Variants in SRD5A2 observed in about 807,000 individuals in gnomAD.
SRD5A2 encodes 3-oxo-5-alpha-steroid 4-dehydrogenase 2.
SRD5A2 carries 30 observed loss-of-function variants against 27.4 expected under a neutral mutation model. That is an observed-to-expected ratio of 1.10 (90% CI 0.82 to 1.49). The LOEUF (loss-of-function observed/expected upper bound fraction) is 1.49. Among genes scored for constraint, SRD5A2 ranks in the 40% most tolerant of loss-of-function variants. The pLI is 0.00. For missense variants in SRD5A2, 348 were observed against 323.4 expected, an observed-to-expected ratio of 1.08 and a Z score of -0.58; for synonymous variants, 141 against 133.6, an observed-to-expected ratio of 1.06 and a Z score of -0.38.
the SRD5A2 span, among the ~76,000 whole-genome samples, chr2:31,607,399 T>C: frequency 2.0e-5 from 3 of 151,786 alleles, no homozygotes; most frequent in Non-Finnish European, 4.4e-5. Flanking sequence ...AAGTCAGTAA[T>C]AGAAAAACAG....
intron 2 of SRD5A2, 75 bp from the exon 3 acceptor site, chr2:31,531,547 C>G: frequency 2.5e-6 from 2 of 814,392 alleles, no homozygotes; most frequent in Non-Finnish European, 3.7e-6. Flanking sequence ...ACAAACTAAG[C>G]TAAAATGAAA....
upstream of SRD5A2, among the ~76,000 whole-genome samples, chr2:31,584,350 A>T (rs2148109887): frequency 6.6e-6 from 1 of 152,340 alleles, no homozygotes; most frequent in African/African-American, 2.4e-5. Context: ...ACAGTCCAAC[A>T]CTGTTTAAAG....
upstream of SRD5A2, chr2:31,581,054 T>A: frequency 2.8e-6 from 2 of 711,562 alleles, no homozygotes; most frequent in Non-Finnish European, 3.9e-6. Flanking sequence ...CGTCCAGCCC[T>A]GGCGCGGTTC....
chr2:31,525,375 T>C lies in SRD5A2; in HGVS notation c.*821A>G, dbSNP rs61750401. ...TTTCCAAAAACATGAGAGTTTGCAA[T>C]GTCTATTGTAAAACTGTTCTCTATC... On this transcript the variant is annotated 3_prime_UTR_variant, in exon 5 of 5. Transcript: ENST00000622030. 1 of 227,104 alleles carries C rather than the reference T, an allele frequency of 4.4e-6. No homozygotes were observed. The highest frequency in any genetic ancestry group is 2.2e-5 in the African/African-American group (1 of 45,016). The allele number at this position is 227,104 out of a possible 1,614,324, so 14.1% of individuals were successfully genotyped here. A position where few individuals can be genotyped will look rare whatever the true frequency, so the allele number is the denominator to read the frequency against.
At chr2:31,526,864 C>G (rs1665794516) in intron 4 of SRD5A2, 1 of 152,810 alleles carries the variant, frequency 6.5e-6, no homozygotes, top group Non-Finnish European at 1.5e-5. Flanking sequence ...CATAATGGAG[C>G]AGGGTGTGCC....
the SRD5A2 span, among the ~76,000 whole-genome samples, chr2:31,638,923 T>C: frequency 6.6e-6 from 1 of 152,110 alleles, no homozygotes; most frequent in Non-Finnish European, 1.5e-5. Flanking sequence ...AGTGTTACTA[T>C]TGATAAGTAA....
chr2:31,662,409 C>G, the SRD5A2 span, among the ~76,000 whole-genome samples: 7 of 152,116 alleles, frequency 4.6e-5, no homozygotes, highest in Admixed American at 3.3e-4. Context: ...GATTTGACCT[C>G]CCAGGCTCAA....
chr2:31,656,004 A>G, the SRD5A2 span, among the ~76,000 whole-genome samples: 1 of 152,216 alleles, frequency 6.6e-6, no homozygotes, highest in Non-Finnish European at 1.5e-5. Context: ...GTAGATGCAC[A>G]TATAGACAGA....
At chr2:31,606,630 T>C in the SRD5A2 span, among the ~76,000 whole-genome samples, 5 of 151,908 alleles carry the variant, frequency 3.3e-5, no homozygotes, top group South Asian at 8.3e-4. Context: ...GGTTTTATTA[T>C]GTACGGATGA....
the SRD5A2 span, among the ~76,000 whole-genome samples, chr2:31,586,479 C>A: frequency 6.6e-6 from 1 of 152,152 alleles, no homozygotes; most frequent in Non-Finnish European, 1.5e-5. Context: ...TCTGGCTGAG[C>A]ACAGTCATAG....
At chr2:31,610,003 A>C in the SRD5A2 span, among the ~76,000 whole-genome samples, 8 of 152,156 alleles carry the variant, frequency 5.3e-5, no homozygotes, top group Non-Finnish European at 1.2e-4. Context: ...ACCAATAACA[A>C]ATAAAGAGAC....
the SRD5A2 span, among the ~76,000 whole-genome samples, chr2:31,632,785 G>C: frequency 6.6e-6 from 1 of 152,088 alleles, no homozygotes; most frequent in South Asian, 2.1e-4. Context: ...CCACTCCTCT[G>C]TTAGGGAGAG....
At chr2:31,650,601 T>C in the SRD5A2 span, among the ~76,000 whole-genome samples, 1 of 152,194 alleles carries the variant, frequency 6.6e-6, no homozygotes, top group East Asian at 1.9e-4. Flanking sequence ...ACTTCCACCA[T>C]ATAAAATTCC....
the SRD5A2 span, among the ~76,000 whole-genome samples, chr2:31,586,663 A>T: frequency 6.6e-6 from 1 of 152,194 alleles, no homozygotes; most frequent in African/African-American, 2.4e-5. Context: ...ACATCTAGAA[A>T]CTGCAAGAAC....
chr2:31,539,986 T>A (rs1666098060), intron 1 of SRD5A2, among the ~76,000 whole-genome samples: 1 of 152,208 alleles, frequency 6.6e-6, no homozygotes, highest in Admixed American at 6.5e-5. Context: ...CAATACACTG[T>A]ATTATGTAAT....
the SRD5A2 span, among the ~76,000 whole-genome samples, chr2:31,594,824 T>A: frequency 6.6e-6 from 1 of 152,136 alleles, no homozygotes; most frequent in African/African-American, 2.4e-5. Flanking sequence ...CAAGTCTCAA[T>A]AAATTTAAGA....
At chr2:31,613,664 G>C in the SRD5A2 span, among the ~76,000 whole-genome samples, 2 of 152,064 alleles carry the variant, frequency 1.3e-5, no homozygotes, top group Non-Finnish European at 2.9e-5. Flanking sequence ...CCATTTCTGG[G>C]TATGTACCTG....
chr2:31,625,021 G>C, the SRD5A2 span, among the ~76,000 whole-genome samples: 6 of 152,284 alleles, frequency 3.9e-5, no homozygotes, highest in South Asian at 1.2e-3. Flanking sequence ...TCCAGCACCT[G>C]TTGTTTTCTG....
chr2:31,580,250 TA>T (rs1484728396), intron 1 of SRD5A2, among the ~76,000 whole-genome samples: 1 of 152,200 alleles, frequency 6.6e-6, no homozygotes, highest in Non-Finnish European at 1.5e-5. Context: ...ATGCCACAGG[TA>T]ACCGCCGCCT....
Sources: allele counts gnomAD v4.1 joint callset (sites outside exome capture counted in the v4.1 genomes callset), GRCh38; gene constraint gnomAD v4.1.1; transcripts MANE v1.5; gene names NCBI Gene and HGNC (gene_info 2026-07-23, HGNC 2026-07-21).